The following ATRX variants were observed in gnomAD, a reference collection of about 807,000 sequenced individuals.
The protein encoded by ATRX is ATRX chromatin remodeler.
A neutral mutation model predicts 172.6 loss-of-function variants in ATRX; 12 were observed. The observed-to-expected ratio is 0.07, with a 90% CI of 0.04 to 0.11. The LOEUF (loss-of-function observed/expected upper bound fraction) is 0.11, where lower values mean the gene tolerates loss of function less well. Ranked by LOEUF, ATRX falls within the 10% of genes least tolerant of loss-of-function variation. The probability of loss-of-function intolerance (pLI) is 1.00; values close to 1 mark genes in which losing one functional copy is unlikely to be tolerated. For missense variants in ATRX, 1,368 were observed against 1,767.4 expected (o/e 0.77, Z 4.05); for synonymous variants, 674 against 594.7 (o/e 1.13, Z -1.94).
intron 1 of ATRX, among the ~76,000 whole-genome samples, chrX:77,755,114 G>A (rs999793289): frequency 5.4e-5 from 6 of 111,494 alleles, no homozygotes; most frequent in Admixed American, 1.9e-4. Context: ...CCTTTTTTCC[G>A]CTTCAGCGAT....
rs573084710 is a variant in ATRX, at chrX:77,697,258, T to C, written c.242+325A>G. Among the ~76,000 whole-genome samples, 4 of 111,713 alleles carry C rather than the reference T, an allele frequency of 3.6e-5. No homozygotes were observed. The South Asian group carries it at 1.5e-3, about 41-fold the overall frequency. ...ATAACCCAAAAAACCCACTGCCTCA[T>C]AGGCATTCAACAATTATTTTGTCCT... On this transcript the variant is annotated intron_variant, in intron 4 of 34. Transcript: ENST00000373344.
At chrX:77,638,192 G>A (rs902599130) in intron 15 of ATRX, among the ~76,000 whole-genome samples, 3 of 111,807 alleles carry the variant, frequency 2.7e-5, no homozygotes, top group East Asian at 5.6e-4. Flanking sequence ...GGCCGGGCAC[G>A]GTCACTCATG....
chrX:77,616,153 T>C, intron 22 of ATRX: 1 of 779,781 alleles, frequency 1.3e-6, no homozygotes, highest in South Asian at 5.9e-5. Context: ...TCTGTTAGCA[T>C]TTTGGTGTAT....
Position 77,682,032 on chromosome X carries a change from T to C in ATRX, c.3224A>G (p.Asp1075Gly), listed in dbSNP as rs1064796745. The C allele has an allele frequency of 7.6e-5, 92 of 1,208,908 alleles. No homozygotes were observed. The highest frequency in any genetic ancestry group is 9.8e-5 in the Non-Finnish European group (88 of 894,621). The change falls in exon 9 of 35, where the codon GAC becomes GGC. Residue 1075 changes from aspartate to glycine, a missense_variant. Around this residue, in one of 17 missense-constraint regions of ATRX, gnomAD observed 843 missense variants for 643.1 expected, o/e 1.31. Transcript: ENST00000373344. ...EKSTGKGDSC[D>G]SSEDKKSKNG... ...CTTACTCTTTTTATCCTCTGAAGAG[T>C]CACAACTATCTCCTTTCCCTGTTGA...
intron 27 of ATRX, among the ~76,000 whole-genome samples, chrX:77,577,544 C>A (rs2065664518): frequency 9.0e-6 from 1 of 110,740 alleles, no homozygotes. Context: ...AAATATTTTT[C>A]CCATATGGTA....
At chrX:77,778,695 T>C (rs2076451001) in intron 1 of ATRX, among the ~76,000 whole-genome samples, 1 of 101,080 alleles carries the variant, frequency 9.9e-6, no homozygotes, top group South Asian at 4.5e-4. Flanking sequence ...CACTCCAGCC[T>C]GGGTGACAGA....
At chrX:77,783,171 G>T (rs1557206314) in intron 1 of ATRX, among the ~76,000 whole-genome samples, 1 of 111,555 alleles carries the variant, frequency 9.0e-6, no homozygotes, top group Admixed American at 9.6e-5. Context: ...GGAGGCGGAG[G>T]CGGCAGTAAG....
At chrX:77,714,777 T>G (rs2073290551) in intron 2 of ATRX, among the ~76,000 whole-genome samples, 1 of 111,997 alleles carries the variant, frequency 8.9e-6, no homozygotes, top group South Asian at 3.7e-4. Context: ...GACAAACTGC[T>G]TCAGATTTTT....
At chrX:77,636,912 G>T (rs1381497000) in intron 15 of ATRX, among the ~76,000 whole-genome samples, 2 of 95,606 alleles carry the variant, frequency 2.1e-5, no homozygotes, top group African/African-American at 8.3e-5. Context: ...GAAGAAGAAG[G>T]AAGAAGGAAG....
intron 30 of ATRX, among the ~76,000 whole-genome samples, chrX:77,538,150 G>A (rs1359735091): frequency 9.2e-6 from 1 of 108,952 alleles, no homozygotes; most frequent in Non-Finnish European, 1.9e-5. Context: ...GTTTACCCAT[G>A]TAAATCTGCA....
intron 1 of ATRX, among the ~76,000 whole-genome samples, chrX:77,781,373 C>T (rs782284627): frequency 3.1e-5 from 3 of 96,775 alleles, no homozygotes; most frequent in African/African-American, 1.2e-4. Context: ...ACCCGGAGGG[C>T]GGAGTTTGCA....
At chrX:77,510,500 A>T (rs2062833853) in intron 34 of ATRX, among the ~76,000 whole-genome samples, 1 of 111,116 alleles carries the variant, frequency 9.0e-6, no homozygotes, top group African/African-American at 3.3e-5. Flanking sequence ...GGGGACCCTA[A>T]TTCCAGGCCT....
At chrX:77,622,923 G>A in intron 19 of ATRX, among the ~76,000 whole-genome samples, 1 of 110,314 alleles carries the variant, frequency 9.1e-6, no homozygotes, top group Non-Finnish European at 1.9e-5. Flanking sequence ...TAAGAGGAAA[G>A]TTCATAGCCC....
intron 30 of ATRX, among the ~76,000 whole-genome samples, chrX:77,537,694 A>G (rs1294936277): frequency 1.8e-5 from 2 of 110,889 alleles, no homozygotes. Flanking sequence ...ATTTCTATAC[A>G]GAGGTGTTTT....
At chrX:77,778,532 C>T (rs907573694) in intron 1 of ATRX, among the ~76,000 whole-genome samples, 1 of 109,966 alleles carries the variant, frequency 9.1e-6, no homozygotes, top group Non-Finnish European at 1.9e-5. Context: ...ACCATCCTGG[C>T]CAACACGGTG....
intron 1 of ATRX, among the ~76,000 whole-genome samples, chrX:77,750,371 G>A (rs901705719): frequency 3.4e-4 from 38 of 111,114 alleles, no homozygotes; most frequent in East Asian, 1.7e-3. Flanking sequence ...CATCATGCCC[G>A]GGGCAAAAGA....
chrX:77,657,967 G>C (rs2069642597), intron 12 of ATRX, among the ~76,000 whole-genome samples: 1 of 111,876 alleles, frequency 8.9e-6, no homozygotes, highest in Non-Finnish European at 1.9e-5. Flanking sequence ...CCAGCCCTTT[G>C]GGAGGCCAAG....
chrX:77,563,310 T>C (rs1372230134), intron 28 of ATRX, among the ~76,000 whole-genome samples: 1 of 112,678 alleles, frequency 8.9e-6, no homozygotes, highest in Non-Finnish European at 1.9e-5. Context: ...TATGAAAGTC[T>C]AATTGTTTCA....
intron 22 of ATRX, among the ~76,000 whole-genome samples, chrX:77,606,827 C>T (rs1557090838): frequency 9.2e-6 from 1 of 108,410 alleles, no homozygotes; most frequent in Non-Finnish European, 1.9e-5. Flanking sequence ...TACACACACA[C>T]ATATATGGAA....
Sources: allele counts gnomAD v4.1 joint callset (sites outside exome capture counted in the v4.1 genomes callset), GRCh38; gene constraint gnomAD v4.1.1; regional missense constraint gnomAD v4.1.1; transcripts MANE v1.5; gene names NCBI Gene and HGNC (gene_info 2026-07-23, HGNC 2026-07-21).